The following GABRG1 variants were observed in gnomAD, a reference collection of about 807,000 sequenced individuals.
The protein encoded by GABRG1 is gamma-aminobutyric acid receptor subunit gamma-1.
Under a neutral mutation model 49.8 loss-of-function variants are expected in GABRG1, and 49 were observed. The ratio of observed to expected loss-of-function variants is 0.98; its 90% CI spans 0.78 to 1.25. The LOEUF (loss-of-function observed/expected upper bound fraction) is 1.25, where lower values mean the gene tolerates loss of function less well. Ranked by LOEUF, GABRG1 falls within the 50% of genes most tolerant of loss-of-function variation. The pLI, the probability that GABRG1 is intolerant of heterozygous loss-of-function variation, is 0.00. For missense variants in GABRG1, 552 were observed against 552.3 expected (o/e 1.00, Z 0.01); for synonymous variants, 232 against 185.1 (o/e 1.25, Z -2.06).
chr4:46,062,127 T>C (rs1024168284), intron 5 of GABRG1, among the ~76,000 whole-genome samples: 2 of 149,424 alleles, frequency 1.3e-5, no homozygotes, highest in Non-Finnish European at 3.0e-5. Context: ...ACATGCGGTG[T>C]TTGGTTTTTT....
intron 5 of GABRG1, 21 bp from the exon 6 acceptor site, chr4:46,058,643 G>C: frequency 6.3e-7 from 1 of 1,588,544 alleles, no homozygotes; most frequent in African/African-American, 1.3e-5. Context: ...AAAATACATA[G>C]ATTAGCAAGA....
At chr4:46,096,035 T>C (rs1247685332) in intron 2 of GABRG1, among the ~76,000 whole-genome samples, 1 of 151,842 alleles carries the variant, frequency 6.6e-6, no homozygotes, top group African/African-American at 2.4e-5. Flanking sequence ...ATCATTTAGC[T>C]CCCGCTTATA....
At chr4:46,094,243 C>CA (rs1390725188) in intron 2 of GABRG1, among the ~76,000 whole-genome samples, 1 of 151,802 alleles carries the variant, frequency 6.6e-6, no homozygotes, top group Admixed American at 6.6e-5. Flanking sequence ...AACTTAAAGA[C>CA]AAAAAATGCC....
intron 1 of GABRG1, among the ~76,000 whole-genome samples, chr4:46,115,464 A>T (rs1286075366): frequency 6.6e-6 from 1 of 150,742 alleles, no homozygotes; most frequent in Non-Finnish European, 1.5e-5. Flanking sequence ...TTTTTTTCTT[A>T]TGTTTCAACA....
chr4:46,107,569 T>A (rs953265701), intron 1 of GABRG1, among the ~76,000 whole-genome samples: 6 of 150,900 alleles, frequency 4.0e-5, no homozygotes, highest in Non-Finnish European at 8.9e-5. Context: ...TTGCTTCCTA[T>A]CTCCCTCTCT....
intron 8 of GABRG1, among the ~76,000 whole-genome samples, chr4:46,042,125 G>A (rs189006878): frequency 8.3e-4 from 126 of 152,042 alleles, no homozygotes; most frequent in Admixed American, 2.4e-3. Flanking sequence ...TAAATGGGAT[G>A]ATGGATATAA....
At chr4:46,119,614 T>G (rs1488149610) in intron 1 of GABRG1, among the ~76,000 whole-genome samples, 1 of 151,488 alleles carries the variant, frequency 6.6e-6, no homozygotes, top group Non-Finnish European at 1.5e-5. Flanking sequence ...TTCCCCATAG[T>G]CTTCTGGTAT....
rs3069486 is a variant in GABRG1, at chr4:46,088,815, TTGTG to T, written c.254-4766_254-4763del. ...CATGTGTGTGTGTGTTTGTGTGTGTTTGTGTGTGTGTGTGTGTGTGTGTGTGTGT... is the reference window on the plus strand; with the variant it reads ...CATGTGTGTGTGTGTTTGTGTGTGTTTGTGTGTGTGTGTGTGTGTGTGTGT... On this transcript the variant is annotated intron_variant, in intron 2 of 8. Transcript: ENST00000295452. Among the ~76,000 whole-genome samples, 66 of 131,672 alleles carry T rather than the reference TTGTG, an allele frequency of 5.0e-4. 1 individual carries two copies. Among genetic ancestry groups the T allele is most frequent in the Middle Eastern group, 4.3e-3 (1 of 234 alleles). 86.4% of individuals were successfully genotyped at this position (131,672 alleles called of 152,430 possible). A position where few individuals can be genotyped will look rare whatever the true frequency, so the allele number is the denominator to read the frequency against.
At chr4:46,086,744 C>A (rs1412909680) in intron 2 of GABRG1, among the ~76,000 whole-genome samples, 2 of 151,478 alleles carry the variant, frequency 1.3e-5, no homozygotes, top group East Asian at 3.9e-4. Context: ...AGGTACAATT[C>A]CAAGAAAGCA....
chr4:46,106,232 G>T (rs889739809), intron 1 of GABRG1, among the ~76,000 whole-genome samples: 6 of 151,438 alleles, frequency 4.0e-5, no homozygotes, highest in Non-Finnish European at 7.4e-5. Context: ...TAGCTAATTT[G>T]TAGTGCAGCC....
At chr4:46,080,120 T>G (rs1398659808) in intron 3 of GABRG1, among the ~76,000 whole-genome samples, 4 of 151,886 alleles carry the variant, frequency 2.6e-5, no homozygotes, top group Non-Finnish European at 5.9e-5. Context: ...TTCAGAAATC[T>G]ATGGAAATGC....
chr4:46,085,609 C>CAGGA (rs928610524), intron 2 of GABRG1, among the ~76,000 whole-genome samples: 2 of 151,302 alleles, frequency 1.3e-5, no homozygotes, highest in Admixed American at 6.6e-5. Flanking sequence ...ATGAATAAAC[C>CAGGA]AGGAAGTAGA....
chr4:46,080,532 G>T (rs1253376874), intron 3 of GABRG1, among the ~76,000 whole-genome samples: 2 of 151,464 alleles, frequency 1.3e-5, no homozygotes, highest in Non-Finnish European at 3.0e-5. Context: ...ATTTAATTAG[G>T]TTTTTTTAAA....
At position 46,040,504 on chromosome 4, in the gene GABRG1, T is replaced by C. The variant is rs1207756004; in HGVS notation, c.*484A>G. On this transcript the variant is annotated 3_prime_UTR_variant, in exon 9 of 9. Coordinates refer to ENST00000295452, the MANE Select transcript of GABRG1 (RefSeq NM_173536.4). ...AGAAAATCCAAGAAAACTATGGCTTTATGTTATCAACTAACTGTATTTCAA... is the reference window on the plus strand; with the variant it reads ...AGAAAATCCAAGAAAACTATGGCTTCATGTTATCAACTAACTGTATTTCAA... 6.6e-6 allele frequency: 1 copy of C among 152,538 alleles called. No individual in the cohort carries two copies. The highest frequency in any genetic ancestry group is 1.5e-5 in the Non-Finnish European group (1 of 68,040). 9.4% of individuals were successfully genotyped at this position (152,538 alleles called of 1,614,324 possible). A position where few individuals can be genotyped will look rare whatever the true frequency, so the allele number is the denominator to read the frequency against.
intron 1 of GABRG1, among the ~76,000 whole-genome samples, chr4:46,104,566 A>C (rs1298223959): frequency 2.0e-5 from 3 of 151,584 alleles, no homozygotes; most frequent in African/African-American, 7.2e-5. Flanking sequence ...AATCTATTGG[A>C]TATGAAATAG....
intron 1 of GABRG1, among the ~76,000 whole-genome samples, chr4:46,101,344 G>A (rs1023705521): frequency 6.6e-6 from 1 of 151,460 alleles, no homozygotes; most frequent in African/African-American, 2.4e-5. Flanking sequence ...ATCTAGGGTG[G>A]TTCGGTTTTG....
intron 2 of GABRG1, among the ~76,000 whole-genome samples, chr4:46,093,226 G>A (rs796495849): frequency 7.2e-5 from 11 of 151,920 alleles, no homozygotes; most frequent in African/African-American, 2.4e-4. Context: ...TGTAACCATC[G>A]CAAAGAAAAT....
At chr4:46,090,889 A>T (rs2109427367) in intron 2 of GABRG1, among the ~76,000 whole-genome samples, 1 of 151,516 alleles carries the variant, frequency 6.6e-6, no homozygotes, top group South Asian at 2.1e-4. Context: ...GAGAGACAAA[A>T]CTTCGAATTA....
At position 46,039,647 on chromosome 4, in the gene GABRG1, T is replaced by C. The variant is rs1410251348; in HGVS notation, c.*1341A>G. On this transcript the variant is annotated 3_prime_UTR_variant, in exon 9 of 9. Coordinates refer to ENST00000295452, the MANE Select transcript of GABRG1 (RefSeq NM_173536.4). ...TTTATGTGATGAATCTTATAAACAA[T>C]TGGTATGTCAAGCTACTTACAGGAT... The C allele has an allele frequency of 6.6e-6, 1 of 151,698 alleles. No individual in the cohort carries two copies. The highest frequency in any genetic ancestry group is 1.5e-5 in the Non-Finnish European group (1 of 67,768). 9.4% of individuals were successfully genotyped at this position (151,698 alleles called of 1,614,324 possible). A position where few individuals can be genotyped will look rare whatever the true frequency, so the allele number is the denominator to read the frequency against.
Sources: allele counts gnomAD v4.1 joint callset (sites outside exome capture counted in the v4.1 genomes callset), GRCh38; gene constraint gnomAD v4.1.1; transcripts MANE v1.5; gene names NCBI Gene and HGNC (gene_info 2026-07-23, HGNC 2026-07-21).